Variants in SYNPO2 observed in about 807,000 individuals in gnomAD.
SYNPO2 encodes synaptopodin-2.
Under a neutral mutation model 85.0 loss-of-function variants are expected in SYNPO2, and 56 were observed. The observed-to-expected ratio is 0.66, with a 90% CI of 0.53 to 0.82. The LOEUF (loss-of-function observed/expected upper bound fraction) is 0.82. Ranked by LOEUF, SYNPO2 falls within the 40% of genes least tolerant of loss-of-function variation. SYNPO2 has a pLI of 0.00. For missense variants in SYNPO2, 1,575 were observed against 1,534.2 expected (o/e 1.03, Z -0.44); for synonymous variants, 602 against 591.1 (o/e 1.02, Z -0.27).
At chr4:119,044,478 G>A (rs1015583476) in intron 4 of SYNPO2, among the ~76,000 whole-genome samples, 1 of 152,150 alleles carries the variant, frequency 6.6e-6, no homozygotes, top group African/African-American at 2.4e-5. Flanking sequence ...AAGAAAACAA[G>A]CTGTTGATGC....
chr4:119,016,957 A>G (rs1737548443), intron 1 of SYNPO2, among the ~76,000 whole-genome samples: 1 of 152,178 alleles, frequency 6.6e-6, no homozygotes. Context: ...GCTACCATGA[A>G]TACTTTTTAC....
chr4:119,016,286 G>T (rs1180100591), intron 1 of SYNPO2, among the ~76,000 whole-genome samples: 1 of 152,080 alleles, frequency 6.6e-6, no homozygotes, highest in African/African-American at 2.4e-5. Context: ...GCTGTGCGTG[G>T]TGGTGGGAGC....
At chr4:119,003,949 A>C (rs11722851) in intron 1 of SYNPO2, among the ~76,000 whole-genome samples, 36,583 of 151,858 alleles carry the variant, frequency 0.24, 5,147 homozygotes, top group Non-Finnish European at 0.31. Flanking sequence ...TTCACCCCTT[A>C]TTTTCCACCC....
At chr4:118,874,530 A>G (rs927323321) in intron 1 of SYNPO2, among the ~76,000 whole-genome samples, 1 of 152,224 alleles carries the variant, frequency 6.6e-6, no homozygotes, top group African/African-American at 2.4e-5. Flanking sequence ...TGCATCTGAT[A>G]TATCTGAAAC....
At chr4:118,976,024 G>C (rs1315297111) in intron 1 of SYNPO2, among the ~76,000 whole-genome samples, 1 of 152,196 alleles carries the variant, frequency 6.6e-6, no homozygotes, top group Non-Finnish European at 1.5e-5. Context: ...TCCCCTACCA[G>C]AGCTTTTGAA....
At chr4:118,957,058 A>G (rs1734904865) in intron 1 of SYNPO2, among the ~76,000 whole-genome samples, 1 of 151,968 alleles carries the variant, frequency 6.6e-6, no homozygotes, top group African/African-American at 2.4e-5. Context: ...AAAAATAAAA[A>G]AAATAAAAAA....
intron 1 of SYNPO2, among the ~76,000 whole-genome samples, chr4:118,997,176 C>A (rs1283513105): frequency 7.4e-6 from 1 of 135,854 alleles, no homozygotes; most frequent in Admixed American, 8.3e-5. Flanking sequence ...GGAGGCGGAG[C>A]TTGCAGTGAG....
chr4:119,057,258 A>G (rs1418528379), intron 4 of SYNPO2, 143 bp from the exon 5 acceptor site: 1 of 981,848 alleles, frequency 1.0e-6, no homozygotes, highest in Non-Finnish European at 1.4e-6. Flanking sequence ...TGGCTTTAAG[A>G]CTAAGCATTC....
chr4:118,918,743 C>T (rs1208060925), intron 1 of SYNPO2, among the ~76,000 whole-genome samples: 1 of 152,118 alleles, frequency 6.6e-6, no homozygotes, highest in Non-Finnish European at 1.5e-5. Flanking sequence ...CAACTTAGTC[C>T]AAACATCGGG....
At chr4:118,967,843 T>C (rs1246557162) in intron 1 of SYNPO2, among the ~76,000 whole-genome samples, 1 of 134,042 alleles carries the variant, frequency 7.5e-6, no homozygotes, top group Non-Finnish European at 1.6e-5. Context: ...TCTTCTTGAT[T>C]TGAAAAATCT....
At chr4:118,948,746 G>T (rs1734588897) in intron 1 of SYNPO2, among the ~76,000 whole-genome samples, 1 of 152,130 alleles carries the variant, frequency 6.6e-6, no homozygotes, top group South Asian at 2.1e-4. Context: ...ATGACTGTGG[G>T]GAAGGCACCA....
intron 1 of SYNPO2, among the ~76,000 whole-genome samples, chr4:118,972,137 A>T (rs1735562886): frequency 6.6e-6 from 1 of 152,154 alleles, no homozygotes; most frequent in Non-Finnish European, 1.5e-5. Context: ...ATAATATTTA[A>T]CTATACTTAT....
intron 1 of SYNPO2, among the ~76,000 whole-genome samples, chr4:118,990,108 T>C (rs187811127): frequency 1.3e-5 from 2 of 152,338 alleles, no homozygotes; most frequent in Admixed American, 6.5e-5. Flanking sequence ...GGTTTTGTGA[T>C]CTATTATTGG....
chr4:119,008,217 T>TGGTGATTATC (rs1295908606), intron 1 of SYNPO2, among the ~76,000 whole-genome samples: 1 of 152,186 alleles, frequency 6.6e-6, no homozygotes, highest in Non-Finnish European at 1.5e-5. Context: ...CTGTGGGTAC[T>TGGTGATTATC]GGTGATTATC....
chr4:118,984,839 T>G (rs1454685321), intron 1 of SYNPO2, among the ~76,000 whole-genome samples: 2 of 152,200 alleles, frequency 1.3e-5, no homozygotes, highest in African/African-American at 4.8e-5. Context: ...GCATTTCACA[T>G]GATGGATACT....
chr4:118,898,089 T>A (rs1277472330), intron 1 of SYNPO2, among the ~76,000 whole-genome samples: 1 of 152,210 alleles, frequency 6.6e-6, no homozygotes. Flanking sequence ...AGATTTTCCA[T>A]GTCTTCTTGA....
intron 1 of SYNPO2, among the ~76,000 whole-genome samples, chr4:118,938,097 G>A (rs1734172553): frequency 6.6e-6 from 1 of 152,160 alleles, no homozygotes; most frequent in African/African-American, 2.4e-5. Flanking sequence ...GAGGTCAGGA[G>A]TTCAAGCACA....
At chr4:118,939,524 T>C (rs1055140706) in intron 1 of SYNPO2, among the ~76,000 whole-genome samples, 1 of 152,198 alleles carries the variant, frequency 6.6e-6, no homozygotes, top group Non-Finnish European at 1.5e-5. Context: ...AACATTGTCT[T>C]CATGAGTTTA....
chr4:118,984,245 G>A lies in SYNPO2; in HGVS notation c.106-39185G>A, dbSNP rs146130243. 1.0e-4 allele frequency among the ~76,000 whole-genome samples: 15 copies of A among 148,410 alleles called. 1 individual carries two copies. In the East Asian group the frequency reaches 1.8e-3, roughly 18 times the overall value. ...CTTCCAAAATAGGTGACTGGGAGAC[G>A]CAGATGTAAGAGAGAGAAAATTTAC... On this transcript the variant is annotated intron_variant, in intron 1 of 4. Transcript: ENST00000307142.
Sources: gnomAD v4.1 joint callset for allele counts (sites outside exome capture counted in the v4.1 genomes callset) on GRCh38, gnomAD v4.1.1 for gene constraint, MANE v1.5 for transcripts, NCBI Gene and HGNC (gene_info 2026-07-23, HGNC 2026-07-21) for gene names.